Variants in JAG1 observed in about 807,000 individuals in gnomAD.
JAG1 encodes protein jagged-1.
In JAG1, 23 loss-of-function variants were observed where a neutral mutation model predicts 148.7. The ratio of observed to expected loss-of-function variants is 0.15; its 90% CI spans 0.11 to 0.22. The LOEUF is 0.22. JAG1 is among the 10% of genes least tolerant of loss of function. The probability of loss-of-function intolerance (pLI) is 1.00; values close to 1 mark genes in which losing one functional copy is unlikely to be tolerated. For synonymous variants in JAG1, 572 were observed against 598.3 expected (o/e 0.96, Z 0.64); for missense variants, 1,054 against 1,611.2 (o/e 0.65, Z 5.92).
chr20:10,641,552 G>A lies in JAG1; in HGVS notation c.2824C>T (p.Gln942Ter), dbSNP rs1195992553. 6.2e-7 allele frequency: 1 copy of A among 1,614,224 alleles called. No individual in the cohort carries two copies. The highest frequency in any genetic ancestry group is 1.7e-5 in the Admixed American group (1 of 60,032). The change falls in exon 23 of 26, where the codon CAG (glutamine) becomes TAG (stop). Residue 942 changes from glutamine to a stop codon, truncating the protein, a stop_gained. Coordinates refer to ENST00000254958, the MANE Select transcript of JAG1 (RefSeq NM_000214.3). LOFTEE classifies it high-confidence loss of function. The stretch of plus-strand genomic sequence containing the variant: ...GAGGTGCACTTTGTCTTCACCGGCT[G>A]GAGACTGGAAGACCGACACTCGCCC... The part of the protein sequence containing the change: ...GVGECRSSSL[Q>*]PVKTKCTSDS...
chr20:10,655,090 C>T (rs73898805), intron 5 of JAG1, among the ~76,000 whole-genome samples: 3,369 of 152,296 alleles, frequency 0.022, 114 homozygotes, highest in African/African-American at 0.076. Context: ...CCTCAGCCTT[C>T]CAGGAAATAA....
intron 3 of JAG1, among the ~76,000 whole-genome samples, chr20:10,663,585 C>T (rs1017674520): frequency 6.6e-6 from 1 of 152,198 alleles, no homozygotes; most frequent in Admixed American, 6.5e-5. Context: ...ATGGCTTTAT[C>T]TTTCTGATGA....
At chr20:10,655,351 G>C (rs778680658) in intron 5 of JAG1, among the ~76,000 whole-genome samples, 1 of 152,152 alleles carries the variant, frequency 6.6e-6, no homozygotes, top group Non-Finnish European at 1.5e-5. Flanking sequence ...CGGAGCCCAC[G>C]AACCTGCATT....
chr20:10,669,786 A>G (rs955041610), intron 2 of JAG1, among the ~76,000 whole-genome samples: 4 of 152,082 alleles, frequency 2.6e-5, no homozygotes, highest in Admixed American at 2.0e-4. Context: ...ACACTAATGT[A>G]TTTTTAATAA....
chr20:10,653,944 C>G (rs953398123), intron 5 of JAG1, among the ~76,000 whole-genome samples: 1 of 152,164 alleles, frequency 6.6e-6, no homozygotes, highest in Non-Finnish European at 1.5e-5. Flanking sequence ...ACACTGGATT[C>G]TGGTTTATGT....
Position 10,645,986 on chromosome 20 carries a change from C to T in JAG1, c.1984G>A (p.Ala662Thr), listed in dbSNP as rs763048289. 2 of 1,610,978 alleles carry T rather than the reference C, an allele frequency of 1.2e-6. No individual in the cohort carries two copies. The highest frequency in any genetic ancestry group is 1.7e-5 in the Admixed American group (1 of 60,002). ...GCAGACTCACTGGTTTCACAGTAGG[C>T]CCCCTCCCAGCCGTCACTACAGATG... ...KCICSDGWEGAYCETNINDCS... is the reference protein window; with the variant it reads ...KCICSDGWEGTYCETNINDCS... Residue 662 changes from alanine to threonine, a missense_variant, in exon 15 of 26, where the codon GCC (alanine) becomes ACC (threonine). Ala to Thr is a moderately conservative substitution (Grantham distance 58). Around this residue, in one of 6 missense-constraint regions of JAG1, gnomAD observed 35 missense variants for 99.7 expected, o/e 0.35. Transcript: ENST00000254958. The surrounding 1 kb of genome is among the most constrained non-coding windows in gnomAD (Gnocchi z 6.1).
chr20:10,664,654 G>C (rs1023292873), intron 2 of JAG1, among the ~76,000 whole-genome samples: 1 of 152,132 alleles, frequency 6.6e-6, no homozygotes, highest in African/African-American at 2.4e-5. Flanking sequence ...TCACTTGGGC[G>C]GTGGAGTTGG....
chr20:10,654,033 C>T (rs1252878596), intron 5 of JAG1, among the ~76,000 whole-genome samples: 5 of 152,220 alleles, frequency 3.3e-5, no homozygotes, highest in East Asian at 1.9e-4. Context: ...TTCTCAAAAG[C>T]GGACACCCAC....
At chr20:10,652,022 G>T in intron 7 of JAG1, 109 bp downstream of exon 7, 1 of 1,275,990 alleles carries the variant, frequency 7.8e-7, no homozygotes, top group Non-Finnish European at 1.1e-6. Context: ...GCCTATCTTT[G>T]GAAGCTATTT....
chr20:10,656,894 A>C (rs1157429235), intron 4 of JAG1, among the ~76,000 whole-genome samples: 1 of 149,148 alleles, frequency 6.7e-6, no homozygotes, highest in East Asian at 2.0e-4. Flanking sequence ...AAAAAAAAAA[A>C]ACAACCCATA....
Position 10,649,580 on chromosome 20 carries a change from G to C in JAG1, c.1290C>G (p.Leu430=), listed in dbSNP as rs965197143. Residue 430 remains leucine, a synonymous_variant, in exon 10 of 26, where the codon CTC becomes CTG. Coordinates refer to ENST00000254958, the MANE Select transcript of JAG1 (RefSeq NM_000214.3). ...GACAGTCGCAGTAGTAGCTGGCAAT[G>C]AGATTCTTACAGGATTTGGCGTTTA... The part of the protein sequence containing the change: ...PCVNAKSCKN[L]IASYYCDCLP... The C allele has an allele frequency of 1.2e-6, 2 of 1,613,870 alleles. No individual in the cohort carries two copies. Among genetic ancestry groups the C allele is most frequent in the African/African-American group, 2.7e-5 (2 of 74,916 alleles).
rs545695970 is a variant in JAG1, at chr20:10,666,722, C to T, written c.388-2708G>A. Reference sequence around the variant, plus strand: ...AAAGTGAGTCACTTCAGCCCCTTCCCAGCTCCAAGCCCAAGGAAATCTGGA... The same window carrying T: ...AAAGTGAGTCACTTCAGCCCCTTCCTAGCTCCAAGCCCAAGGAAATCTGGA... On this transcript the variant is annotated intron_variant, in intron 2 of 25. Transcript: ENST00000254958. Among the ~76,000 whole-genome samples the T allele has an allele frequency of 4.6e-5, 7 of 152,322 alleles. No homozygotes were observed. The East Asian group carries it at 1.2e-3, about 25-fold the overall frequency.
At chr20:10,646,256 C>A (rs111841022) in intron 14 of JAG1, 172 bp from the exon 15 acceptor site, 18 of 651,308 alleles carry the variant, frequency 2.8e-5, no homozygotes, top group African/African-American at 2.0e-4. Flanking sequence ...CAAGCAGAAG[C>A]TTCCAGAGAG....
At position 10,643,762 on chromosome 20, in the gene JAG1, C is replaced by T. The variant is rs772170740; in HGVS notation, c.2458+16G>A. The T allele has an allele frequency of 1.9e-5, 30 of 1,607,534 alleles. No homozygotes were observed. Among genetic ancestry groups the T allele is most frequent in the Admixed American group, 1.8e-4 (11 of 59,958 alleles). ...CGGTAAAGCCATTGGGAAAACCAGACGGAGACAGTCCTTACTTATTCTGCA... is the reference window on the plus strand; with the variant it reads ...CGGTAAAGCCATTGGGAAAACCAGATGGAGACAGTCCTTACTTATTCTGCA... On this transcript the variant is annotated intron_variant, in intron 20 of 25. Coordinates refer to ENST00000254958, the MANE Select transcript of JAG1 (RefSeq NM_000214.3).
At chr20:10,648,914 T>C in intron 11 of JAG1, 147 bp downstream of exon 11, 1 of 881,432 alleles carries the variant, frequency 1.1e-6, no homozygotes, top group South Asian at 1.5e-5. Context: ...GAGGCTGGGG[T>C]AACATAAGCC....
chr20:10,648,208 T>A, intron 12 of JAG1, 98 bp from the exon 13 acceptor site: 7 of 1,392,480 alleles, frequency 5.0e-6, no homozygotes, highest in Middle Eastern at 1.8e-4. Context: ...AATCTGACAG[T>A]TCCTTCGGTT....
At position 10,638,492 on chromosome 20, in the gene JAG1, GC is replaced by G. The variant is rs2067247458; in HGVS notation, c.*1005del. The G allele has an allele frequency of 6.6e-6, 1 of 152,584 alleles. No homozygotes were observed. The highest frequency in any genetic ancestry group is 2.4e-5 in the African/African-American group (1 of 41,426). 9.5% of individuals were successfully genotyped at this position (152,584 alleles called of 1,614,324 possible). A position where few individuals can be genotyped will look rare whatever the true frequency, so the allele number is the denominator to read the frequency against. On this transcript the variant is annotated 3_prime_UTR_variant, in exon 26 of 26. Coordinates refer to ENST00000254958, the MANE Select transcript of JAG1 (RefSeq NM_000214.3). ...CTTACTGCTCTGCAGCAGATCACCTGCCTGTCTCTTTTCAAGTCTAAAGCAG... is the reference window on the plus strand; with the variant it reads ...CTTACTGCTCTGCAGCAGATCACCTGCTGTCTCTTTTCAAGTCTAAAGCAG...
In JAG1 at chr20:10,650,140, G is replaced by A. The variant is rs2067335747; in HGVS notation, c.1234+107C>T. ...TTGATAATAAATTACTTCTTAGCATGATGGAGTGTGAACTCACACTGCCGG... is the reference window on the plus strand; with the variant it reads ...TTGATAATAAATTACTTCTTAGCATAATGGAGTGTGAACTCACACTGCCGG... On this transcript the variant is annotated intron_variant, in intron 9 of 25. Coordinates refer to ENST00000254958, the MANE Select transcript of JAG1 (RefSeq NM_000214.3). 5.3e-5 allele frequency: 39 copies of A among 734,620 alleles called. 1 individual carries two copies. The East Asian group carries it at 1.0e-3, about 19-fold the overall frequency. 45.5% of individuals were successfully genotyped at this position (734,620 alleles called of 1,614,324 possible).
intron 2 of JAG1, among the ~76,000 whole-genome samples, chr20:10,665,701 ATTG>A (rs1373902572): frequency 6.6e-6 from 1 of 152,132 alleles, no homozygotes; most frequent in Non-Finnish European, 1.5e-5. Context: ...CTTCAACAGT[ATTG>A]TTGTAATTAA....
Sources: gnomAD v4.1 joint callset for allele counts (sites outside exome capture counted in the v4.1 genomes callset) on GRCh38, gnomAD v4.1.1 for gene constraint, gnomAD v4.1.1 regional missense constraint, Gnocchi (gnomAD v3.1) non-coding constraint, MANE v1.5 for transcripts, NCBI Gene and HGNC (gene_info 2026-07-23, HGNC 2026-07-21) for gene names.